The following CTBP2 variants were observed in gnomAD, a reference collection of about 807,000 sequenced individuals.
The protein encoded by CTBP2 is C-terminal binding protein 2.
In CTBP2, 30 loss-of-function variants were observed where a neutral mutation model predicts 80.3. The observed-to-expected ratio is 0.37, with a 90% CI of 0.28 to 0.51. The LOEUF is 0.51. Among genes scored for constraint, CTBP2 ranks in the 20% least tolerant of loss-of-function variants. The probability of loss-of-function intolerance (pLI) is 0.93; values close to 1 mark genes in which losing one functional copy is unlikely to be tolerated. For synonymous variants in CTBP2, 594 were observed against 587.4 expected (o/e 1.01, Z -0.16); for missense variants, 1,212 against 1,375.3 (o/e 0.88, Z 1.88).
intron 2 of CTBP2, among the ~76,000 whole-genome samples, chr10:125,104,125 C>T (rs996945436): frequency 1.3e-5 from 2 of 152,180 alleles, no homozygotes; most frequent in Non-Finnish European, 2.9e-5. Context: ...AGCACGGTAC[C>T]GTTCCCAGAA....
At chr10:125,112,337 T>C (rs1852427851) in intron 1 of CTBP2, among the ~76,000 whole-genome samples, 1 of 152,076 alleles carries the variant, frequency 6.6e-6, no homozygotes. Context: ...GGTCTTGAAC[T>C]TCTGACCTCA....
chr10:125,050,723 CGGTCTCCA>C (rs1962520886), intron 2 of CTBP2, among the ~76,000 whole-genome samples: 1 of 152,238 alleles, frequency 6.6e-6, no homozygotes, highest in African/African-American at 2.4e-5. Context: ...CTTCCAGTCC[CGGTCTCCA>C]GGTCTCTGAC....
At chr10:125,122,042 A>G (rs1320698910) in intron 1 of CTBP2, among the ~76,000 whole-genome samples, 1 of 152,226 alleles carries the variant, frequency 6.6e-6, no homozygotes, top group African/African-American at 2.4e-5. Flanking sequence ...CTCCCCAAAA[A>G]GCAAAGGGCA....
intron 2 of CTBP2, among the ~76,000 whole-genome samples, chr10:125,057,894 G>C (rs551937270): frequency 1.3e-5 from 2 of 152,228 alleles, no homozygotes; most frequent in Admixed American, 6.5e-5. Context: ...CACAGGTCTG[G>C]GTCCTGGCCG....
At chr10:125,159,719 A>T (rs1005614760) in intron 1 of CTBP2, 4 of 75,224 alleles carry the variant, frequency 5.3e-5, no homozygotes, top group Non-Finnish European at 1.2e-4. Flanking sequence ...CGCCCCCCCC[A>T]CCCTCGCCTC....
At chr10:125,042,077 T>G (rs1959993773) in intron 2 of CTBP2, among the ~76,000 whole-genome samples, 1 of 152,070 alleles carries the variant, frequency 6.6e-6, no homozygotes, top group Admixed American at 6.5e-5. Flanking sequence ...CTGGCCATCT[T>G]GGCTCCCAAG....
Position 125,125,966 on chromosome 10 carries a change from C to T in CTBP2, c.-205-14873G>A, listed in dbSNP as rs553007136. ...CATCGGAAGAAGTGTCAGGGCTGAGCATTCGAGAAACCAAATAGATGACAT... is the reference window on the plus strand; with the variant it reads ...CATCGGAAGAAGTGTCAGGGCTGAGTATTCGAGAAACCAAATAGATGACAT... On this transcript the variant is annotated intron_variant, in intron 1 of 10. Coordinates refer to the CTBP2 transcript ENST00000337195. 1.2e-3 allele frequency among the ~76,000 whole-genome samples: 189 copies of T among 152,334 alleles called. 2 individuals are homozygous for T. The highest frequency in any genetic ancestry group is 1.2e-3 in the Non-Finnish European group (84 of 68,028).
At position 124,986,291 on chromosome 10, in the gene CTBP2, G is replaced by GCGCACACACACA. The variant is rs879175826; in HGVS notation, c.*3226_*3227insTGTGTGTGTGCG. On this transcript the variant is annotated 3_prime_UTR_variant, in exon 9 of 9. Transcript: ENST00000309035. ...AGACGACACACGCACGCGCGCGCGCGCACACACACACACACACACACACAC... is the reference window on the plus strand; with the variant it reads ...AGACGACACACGCACGCGCGCGCGCGCGCACACACACACACACACACACACACACACACACAC... 2 of 116,020 alleles carry GCGCACACACACA rather than the reference G, an allele frequency of 1.7e-5. No individual in the cohort carries two copies. Among genetic ancestry groups the GCGCACACACACA allele is most frequent in the African/African-American group, 6.6e-5 (2 of 30,496 alleles). 7.2% of individuals were successfully genotyped at this position (116,020 alleles called of 1,614,324 possible). A position where few individuals can be genotyped will look rare whatever the true frequency, so the allele number is the denominator to read the frequency against.
In CTBP2 at chr10:124,985,770, T is replaced by G. The variant is rs1952018919; in HGVS notation, c.*3748A>C. ...TTCTGGGCAGTGGTCTGTGAGTAGT[T>G]TTTTTCCTGGATGAAAAGGGAGCAA... On this transcript the variant is annotated 3_prime_UTR_variant, in exon 9 of 9. Coordinates refer to ENST00000309035, the MANE Select transcript of CTBP2 (RefSeq NM_022802.3). The G allele has an allele frequency of 6.6e-6, 1 of 152,236 alleles. No individual in the cohort carries two copies. Among genetic ancestry groups the G allele is most frequent in the Admixed American group, 6.5e-5 (1 of 15,274 alleles). The allele number at this position is 152,236 out of a possible 1,614,324, so 9.4% of individuals were successfully genotyped here.
At chr10:125,061,392 C>T (rs1964941932) in intron 2 of CTBP2, among the ~76,000 whole-genome samples, 1 of 152,146 alleles carries the variant, frequency 6.6e-6, no homozygotes, top group Admixed American at 6.5e-5. Flanking sequence ...CCACTGGCAG[C>T]CGCCCTGCTC....
At chr10:125,025,951 CTT>C (rs1321274488) in intron 1 of CTBP2, 2 of 1,261,658 alleles carry the variant, frequency 1.6e-6, no homozygotes, top group Admixed American at 2.4e-5. Flanking sequence ...CTGCGTCCTT[CTT>C]GTTTGGTGGT....
In CTBP2 at chr10:124,989,367, A is replaced by G. The variant is rs1952269617; in HGVS notation, c.*151T>C. 1.1e-6 allele frequency: 1 copy of G among 885,140 alleles called. No homozygotes were observed. Among genetic ancestry groups the G allele is most frequent in the African/African-American group, 1.6e-5 (1 of 60,676 alleles). The allele number at this position is 885,140 out of a possible 1,614,324, so 54.8% of individuals were successfully genotyped here. On this transcript the variant is annotated 3_prime_UTR_variant, in exon 9 of 9. Coordinates refer to ENST00000309035, the MANE Select transcript of CTBP2 (RefSeq NM_022802.3). The stretch of plus-strand genomic sequence containing the variant: ...AAGCAGACGACATCTTCAGTTTTCT[A>G]GCTCTTGTAGTTTCAACACTGCAAC...
Position 125,066,989 on chromosome 10 carries a change from G to C in CTBP2, c.-101-27834C>G, listed in dbSNP as rs2135411233. Among the ~76,000 whole-genome samples, 1 of 152,268 alleles carries C rather than the reference G, an allele frequency of 6.6e-6. No homozygotes were observed. Among genetic ancestry groups the C allele is most frequent in the South Asian group, 2.1e-4 (1 of 4,824 alleles). On this transcript the variant is annotated intron_variant, in intron 2 of 10. Coordinates refer to the CTBP2 transcript ENST00000337195. This position sits in a 1 kb window ranked among gnomAD's most constrained non-coding sequence, Gnocchi z 4.1. ...CCTGAAGTCCCCGCCTGACCACCAGGCCCAGGTATAAGGGAAGGGCGACTC... is the reference window on the plus strand; with the variant it reads ...CCTGAAGTCCCCGCCTGACCACCAGCCCCAGGTATAAGGGAAGGGCGACTC...
chr10:125,049,674 G>A (rs769650010), intron 2 of CTBP2, among the ~76,000 whole-genome samples: 2 of 152,162 alleles, frequency 1.3e-5, no homozygotes, highest in Non-Finnish European at 2.9e-5. Flanking sequence ...GGAAAGGGGA[G>A]TTCAAGCTGG....
chr10:125,144,880 A>G (rs932241651), intron 1 of CTBP2, among the ~76,000 whole-genome samples: 3 of 152,246 alleles, frequency 2.0e-5, no homozygotes, highest in African/African-American at 7.2e-5. Flanking sequence ...GACACTGCCC[A>G]GCCTCATCTC....
intron 1 of CTBP2, among the ~76,000 whole-genome samples, chr10:125,122,485 C>T (rs1203279634): frequency 6.6e-6 from 1 of 152,190 alleles, no homozygotes; most frequent in African/African-American, 2.4e-5. Context: ...GAAACCATGC[C>T]AGCACAGCCC....
chr10:125,065,859 G>A (rs936399053), intron 2 of CTBP2, among the ~76,000 whole-genome samples: 4 of 152,148 alleles, frequency 2.6e-5, no homozygotes, highest in African/African-American at 9.7e-5. Flanking sequence ...CAACACTTTG[G>A]GAGGCTGAGG....
intron 8 of CTBP2, among the ~76,000 whole-genome samples, chr10:124,991,353 C>T (rs1294070425): frequency 6.6e-6 from 1 of 152,126 alleles, no homozygotes; most frequent in Non-Finnish European, 1.5e-5. Context: ...TTCTAGGGGG[C>T]CTAAGAGCCC....
intron 1 of CTBP2, among the ~76,000 whole-genome samples, chr10:125,013,654 G>A (rs988634483): frequency 6.6e-6 from 1 of 152,198 alleles, no homozygotes; most frequent in Non-Finnish European, 1.5e-5. Flanking sequence ...ACCCTGTGCC[G>A]TAGGCGCTGC....
Sources: gnomAD v4.1 joint callset for allele counts (sites outside exome capture counted in the v4.1 genomes callset) on GRCh38, gnomAD v4.1.1 for gene constraint, Gnocchi (gnomAD v3.1) non-coding constraint, MANE v1.5 for transcripts, NCBI Gene and HGNC (gene_info 2026-07-23, HGNC 2026-07-21) for gene names.